The following PCDH11X variants were observed in gnomAD, a reference collection of about 807,000 sequenced individuals.
PCDH11X encodes protocadherin-11 X-linked.
Under a neutral mutation model 53.3 loss-of-function variants are expected in PCDH11X, and 18 were observed. The observed-to-expected ratio is 0.34, with a 90% confidence interval of 0.23 to 0.50. PCDH11X has a LOEUF of 0.50. Ranked by LOEUF, PCDH11X falls within the 20% of genes least tolerant of loss-of-function variation. The pLI is 0.98. For missense variants in PCDH11X, 570 were observed against 1,032.4 expected, an observed-to-expected ratio of 0.55 and a Z score of 6.14; for synonymous variants, 279 against 393.3, an observed-to-expected ratio of 0.71 and a Z score of 3.44.
intron 6 of PCDH11X, among the ~76,000 whole-genome samples, chrX:92,175,762 G>GTGTA (rs1482566524): frequency 6.5e-5 from 3 of 45,979 alleles, no homozygotes; most frequent in Non-Finnish European, 1.2e-4. Context: ...ATATATGTGT[G>GTGTA]TGTGTGTGTG....
intron 8 of PCDH11X, among the ~76,000 whole-genome samples, chrX:92,277,913 G>A (rs888109961): frequency 5.4e-5 from 6 of 111,393 alleles, no homozygotes; most frequent in Admixed American, 9.5e-5. Flanking sequence ...GGGACTTGCC[G>A]CTAAGGGTGA....
intron 10 of PCDH11X, among the ~76,000 whole-genome samples, chrX:92,484,177 GTATGTATATATATGTATATATGTATA>G (rs1235719098): frequency 2.7e-4 from 11 of 40,147 alleles, no homozygotes; most frequent in Non-Finnish European, 3.7e-4. Flanking sequence ...GTATATATAT[GTATGTATATATATGTATATATGTATA>G]TATGTATATA....
At chrX:92,336,250 C>A (rs780661627) in intron 8 of PCDH11X, among the ~76,000 whole-genome samples, 1 of 111,456 alleles carries the variant, frequency 9.0e-6, no homozygotes, top group South Asian at 3.7e-4. Context: ...CAAATTTAAT[C>A]TGTCTGGAGG....
At chrX:92,309,938 T>C (rs2068913197) in intron 8 of PCDH11X, among the ~76,000 whole-genome samples, 1 of 112,280 alleles carries the variant, frequency 8.9e-6, no homozygotes, top group African/African-American at 3.2e-5. Flanking sequence ...TGGTATAGAA[T>C]GACACTTTTA....
At chrX:91,886,025 A>G (rs948508111) in intron 6 of PCDH11X, among the ~76,000 whole-genome samples, 1 of 111,592 alleles carries the variant, frequency 9.0e-6, no homozygotes, top group Non-Finnish European at 1.9e-5. Flanking sequence ...TTGAGAGAAT[A>G]TTATCTCTAT....
chrX:92,411,959 A>T (rs1184941666), intron 9 of PCDH11X, among the ~76,000 whole-genome samples: 1 of 21,429 alleles, frequency 4.7e-5, no homozygotes, highest in African/African-American at 1.5e-4. Context: ...GAGTGGGAGG[A>T]GGAGGAGGAG....
Position 91,914,616 on chromosome X carries a change from C to A in PCDH11X, c.3033+35343C>A, listed in dbSNP as rs1199523062. Among the ~76,000 whole-genome samples, 6 of 111,320 alleles carry A rather than the reference C, an allele frequency of 5.4e-5. No individual in the cohort carries two copies. The East Asian group carries it at 1.4e-3, about 27-fold the overall frequency. On this transcript the variant is annotated intron_variant, in intron 6 of 10. Transcript: ENST00000682573. Reference sequence around the variant, plus strand: ...AGAGAAATGCAAAATGTAGTGGAAACTTTCAACAGTAGCATAGAACACGTA... The same window carrying A: ...AGAGAAATGCAAAATGTAGTGGAAAATTTCAACAGTAGCATAGAACACGTA...
At chrX:92,059,495 A>C (rs903451204) in intron 6 of PCDH11X, among the ~76,000 whole-genome samples, 46 of 110,873 alleles carry the variant, frequency 4.1e-4, no homozygotes, top group Non-Finnish European at 8.3e-4. Flanking sequence ...AACAGTTGTA[A>C]AAGGCCTGTA....
At chrX:92,249,222 TAAGA>T (rs1347273886) in intron 7 of PCDH11X, among the ~76,000 whole-genome samples, 2 of 111,327 alleles carry the variant, frequency 1.8e-5, no homozygotes, top group East Asian at 2.8e-4. Flanking sequence ...TTCTAGTAAA[TAAGA>T]AAGATCATTT....
At chrX:92,411,528 A>C in intron 9 of PCDH11X, among the ~76,000 whole-genome samples, 1 of 107,963 alleles carries the variant, frequency 9.3e-6, no homozygotes, top group East Asian at 3.0e-4. Context: ...AACATGCAGT[A>C]TTTGGTTTTC....
intron 7 of PCDH11X, among the ~76,000 whole-genome samples, chrX:92,226,252 C>A (rs1378415563): frequency 3.6e-5 from 4 of 111,843 alleles, no homozygotes; most frequent in Non-Finnish European, 7.5e-5. Flanking sequence ...TTCAAAGATA[C>A]AGGGAAAAAT....
rs775178966 is a variant in PCDH11X at position 92,155,617 on chromosome X, C to CTTTTTT, written c.3034-45739_3034-45734dup. 9.7e-4 allele frequency among the ~76,000 whole-genome samples: 77 copies of CTTTTTT among 79,734 alleles called. 1 individual carries two copies. Among genetic ancestry groups the CTTTTTT allele is most frequent in the African/African-American group, 3.8e-3 (68 of 17,698 alleles). 69.2% of individuals were successfully genotyped at this position (79,734 alleles called of 115,157 possible). A position where few individuals can be genotyped will look rare whatever the true frequency, so the allele number is the denominator to read the frequency against. ...ACTGTCACCTCAGTTACTTCAATAG[C>CTTTTTT]TTTTTTTTTTTTTTTTTTTTTTTTC... is the stretch of plus-strand genomic sequence containing the variant. On this transcript the variant is annotated intron_variant, in intron 6 of 10. Transcript: ENST00000682573.
chrX:91,840,432 C>T (rs1229821854), intron 5 of PCDH11X, among the ~76,000 whole-genome samples: 4 of 111,668 alleles, frequency 3.6e-5, no homozygotes, highest in Non-Finnish European at 7.5e-5. Flanking sequence ...AAGGCATCCT[C>T]ATCTTTTCCA....
At chrX:92,017,713 A>G (rs1345759228) in intron 6 of PCDH11X, among the ~76,000 whole-genome samples, 2 of 92,390 alleles carry the variant, frequency 2.2e-5, no homozygotes, top group Non-Finnish European at 4.2e-5. Context: ...TCAAATATAT[A>G]TATAGAGAGA....
chrX:91,934,296 A>G (rs1356969270), intron 6 of PCDH11X, among the ~76,000 whole-genome samples: 1 of 111,421 alleles, frequency 9.0e-6, no homozygotes, highest in African/African-American at 3.3e-5. Flanking sequence ...AAGAGGAGAA[A>G]GCTTAGTTCC....
At chrX:92,411,117 A>G (rs1006828684) in intron 9 of PCDH11X, among the ~76,000 whole-genome samples, 6 of 108,118 alleles carry the variant, frequency 5.5e-5, no homozygotes, top group Middle Eastern at 4.7e-3. Context: ...TAAAGCTAAT[A>G]TAAGATATGA....
At position 91,923,810 on chromosome X, in the gene PCDH11X, A is replaced by G. The variant is rs1034571932; in HGVS notation, c.3033+44537A>G. ...GCAAGAATAGAAAACCAAATACCAC[A>G]TGTTCTCACTTATAAGTGGGAGCTA... On this transcript the variant is annotated intron_variant, in intron 6 of 10. Transcript: ENST00000682573. Among the ~76,000 whole-genome samples the G allele has an allele frequency of 4.5e-5, 5 of 111,358 alleles. No homozygotes were observed. In the East Asian group the frequency reaches 8.5e-4, roughly 19 times the overall value.
chrX:92,546,981 A>G (rs1456733686), intron 10 of PCDH11X, among the ~76,000 whole-genome samples: 1 of 110,899 alleles, frequency 9.0e-6, no homozygotes, highest in Non-Finnish European at 1.9e-5. Flanking sequence ...GCCTTAGCAC[A>G]GTATCTTATT....
chrX:92,002,471 G>A (rs1026104153), intron 6 of PCDH11X, among the ~76,000 whole-genome samples: 6 of 110,236 alleles, frequency 5.4e-5, no homozygotes, highest in African/African-American at 2.0e-4. Flanking sequence ...TGCATTAAAT[G>A]TGTAGATAGC....
Sources: allele counts gnomAD v4.1 joint callset (sites outside exome capture counted in the v4.1 genomes callset), GRCh38; gene constraint gnomAD v4.1.1; transcripts MANE v1.5; gene names NCBI Gene and HGNC (gene_info 2026-07-23, HGNC 2026-07-21).